The following NELL2 variants were observed in gnomAD, a reference collection of about 807,000 sequenced individuals.
The protein encoded by NELL2 is protein kinase C-binding protein NELL2.
Under a neutral mutation model 109.6 loss-of-function variants are expected in NELL2, and 41 were observed. The ratio of observed to expected loss-of-function variants is 0.37; its 90% CI spans 0.29 to 0.49. NELL2 has a LOEUF of 0.49. NELL2 is among the 20% of genes least tolerant of loss of function. The pLI is 0.98. For missense variants in NELL2, 900 were observed against 1,008.3 expected (o/e 0.89, Z 1.45); for synonymous variants, 355 against 344.7 (o/e 1.03, Z -0.33).
At chr12:44,802,930 C>A (rs1047836637) in intron 3 of NELL2, among the ~76,000 whole-genome samples, 5 of 151,800 alleles carry the variant, frequency 3.3e-5, no homozygotes, top group Non-Finnish European at 7.4e-5. Context: ...GAATAAAATT[C>A]GAATTTCTCC....
chr12:44,563,325 A>T lies in NELL2; in HGVS notation c.1664-30604T>A, dbSNP rs573245899. ...ACTTAAAGTATAATAAAAAAAAATTAAAAAAAAAGAATGGAACATCAGAAG... is the reference window on the plus strand; with the variant it reads ...ACTTAAAGTATAATAAAAAAAAATTTAAAAAAAAGAATGGAACATCAGAAG... On this transcript the variant is annotated intron_variant, in intron 15 of 19. Transcript: ENST00000429094. 5.3e-5 allele frequency among the ~76,000 whole-genome samples: 8 copies of T among 150,180 alleles called. No individual in the cohort carries two copies. In the East Asian group the frequency reaches 5.8e-4, roughly 11 times the overall value.
At chr12:44,563,912 G>A (rs1286424360) in intron 15 of NELL2, among the ~76,000 whole-genome samples, 1 of 152,090 alleles carries the variant, frequency 6.6e-6, no homozygotes, top group Admixed American at 6.6e-5. Context: ...AGCTGAAAAC[G>A]TCCACCATGG....
chr12:44,688,646 C>A (rs1948805789), intron 12 of NELL2, among the ~76,000 whole-genome samples: 1 of 152,202 alleles, frequency 6.6e-6, no homozygotes, highest in South Asian at 2.1e-4. Context: ...TTCCATACAT[C>A]AGCAATGCGC....
chr12:44,699,230 T>C (rs962932133), intron 12 of NELL2, among the ~76,000 whole-genome samples: 1 of 152,062 alleles, frequency 6.6e-6, no homozygotes, highest in South Asian at 2.1e-4. Context: ...GGAGGTGAGA[T>C]GGATGGATGG....
chr12:44,596,281 TCA>T lies in NELL2; in HGVS notation c.1663+10886_1663+10887del, dbSNP rs373716657. ...ATATTCCACAAAGTTTACTGCTATT[TCA>T]GTCATTTTAGCATCCTATGGTGCAG... On this transcript the variant is annotated intron_variant, in intron 15 of 19. Coordinates refer to ENST00000429094, the MANE Select transcript of NELL2 (RefSeq NM_001145108.2). Among the ~76,000 whole-genome samples, 26 of 152,354 alleles carry T rather than the reference TCA, an allele frequency of 1.7e-4. No homozygotes were observed. The South Asian group carries it at 4.6e-3, about 27-fold the overall frequency.
At chr12:44,884,375 G>A (rs1945448170) in intron 1 of NELL2, among the ~76,000 whole-genome samples, 1 of 151,892 alleles carries the variant, frequency 6.6e-6, no homozygotes, top group Admixed American at 6.6e-5. Context: ...GAAGTAGACA[G>A]ATCCACAATT....
intron 1 of NELL2, among the ~76,000 whole-genome samples, chr12:44,892,711 TG>T (rs1208017059): frequency 2.1e-5 from 3 of 141,422 alleles, no homozygotes; most frequent in Non-Finnish European, 4.5e-5. Flanking sequence ...GGCAGGAGAA[TG>T]GCGTGAACCC....
chr12:44,834,364 T>C (rs1158838393), intron 2 of NELL2, among the ~76,000 whole-genome samples: 1 of 151,514 alleles, frequency 6.6e-6, no homozygotes, highest in Non-Finnish European at 1.5e-5. Flanking sequence ...AAGATATAAA[T>C]ACAATTATAA....
intron 13 of NELL2, among the ~76,000 whole-genome samples, chr12:44,662,327 T>C (rs1274249471): frequency 6.6e-6 from 1 of 152,184 alleles, no homozygotes; most frequent in Non-Finnish European, 1.5e-5. Context: ...ATGTATTGAA[T>C]AGTGTGTTTC....
chr12:44,723,346 TAAA>T (rs1938893104), intron 9 of NELL2, among the ~76,000 whole-genome samples: 1 of 152,140 alleles, frequency 6.6e-6, no homozygotes, highest in Non-Finnish European at 1.5e-5. Flanking sequence ...AAGAGAAAAA[TAAA>T]ATTAACATTT....
At chr12:44,613,152 C>T (rs957490321) in intron 13 of NELL2, among the ~76,000 whole-genome samples, 9 of 152,032 alleles carry the variant, frequency 5.9e-5, no homozygotes, top group African/African-American at 1.7e-4. Context: ...ACGTATTGTG[C>T]GAAGATACCT....
chr12:44,684,960 T>A (rs991171694), intron 12 of NELL2, among the ~76,000 whole-genome samples: 21 of 152,144 alleles, frequency 1.4e-4, no homozygotes, highest in Admixed American at 3.9e-4. Flanking sequence ...TGAGTTCAAT[T>A]CCTGGGTATC....
chr12:44,915,094 G>A (rs542429657), upstream of NELL2, among the ~76,000 whole-genome samples: 18 of 152,150 alleles, frequency 1.2e-4, no homozygotes, highest in Non-Finnish European at 2.4e-4. Context: ...CTCGTGATCC[G>A]CCCACCTCGG....
chr12:44,786,360 A>T (rs1309013221), intron 3 of NELL2, among the ~76,000 whole-genome samples: 1 of 152,230 alleles, frequency 6.6e-6, no homozygotes, highest in Non-Finnish European at 1.5e-5. Context: ...GGCGATCATT[A>T]AAAAGTCAGG....
chr12:44,832,282 G>A (rs1342924741), intron 2 of NELL2, among the ~76,000 whole-genome samples: 2 of 151,968 alleles, frequency 1.3e-5, no homozygotes, highest in African/African-American at 4.8e-5. Context: ...AGTTGATTAT[G>A]TCTAGAATGG....
At chr12:44,827,753 G>A (rs1943761348) in intron 2 of NELL2, among the ~76,000 whole-genome samples, 1 of 152,124 alleles carries the variant, frequency 6.6e-6, no homozygotes, top group South Asian at 2.1e-4. Flanking sequence ...TGGCTATTGT[G>A]ACTAGTGCTG....
chr12:44,801,354 A>G (rs1239740060), intron 3 of NELL2, among the ~76,000 whole-genome samples: 1 of 152,120 alleles, frequency 6.6e-6, no homozygotes, highest in Non-Finnish European at 1.5e-5. Context: ...TATAAATAAA[A>G]ATGCCCAACA....
chr12:44,718,122 A>G (rs1938586162), intron 9 of NELL2, among the ~76,000 whole-genome samples: 2 of 152,218 alleles, frequency 1.3e-5, no homozygotes, highest in Non-Finnish European at 2.9e-5. Flanking sequence ...AGATTATCAA[A>G]ATGAGGTTTA....
rs536151826 is a variant in NELL2, at chr12:44,767,449, T to C, written c.994+7298A>G. On this transcript the variant is annotated intron_variant, in intron 9 of 19. Coordinates refer to ENST00000429094, the MANE Select transcript of NELL2 (RefSeq NM_001145108.2). ...GAAGAAAACATCTGGGACCATCTTC[T>C]TGTAGAATAATTTGGCAAAAGCTGG... Among the ~76,000 whole-genome samples the C allele has an allele frequency of 5.3e-5, 8 of 152,248 alleles. No individual in the cohort carries two copies. The East Asian group carries it at 9.7e-4, about 18-fold the overall frequency.
Sources: gnomAD v4.1 joint callset for allele counts (sites outside exome capture counted in the v4.1 genomes callset) on GRCh38, gnomAD v4.1.1 for gene constraint, MANE v1.5 for transcripts, NCBI Gene and HGNC (gene_info 2026-07-23, HGNC 2026-07-21) for gene names.